Variants in GRIA4 observed in about 807,000 individuals in gnomAD.
The protein encoded by GRIA4 is glutamate receptor 4.
A neutral mutation model predicts 104.0 loss-of-function variants in GRIA4; 34 were observed. The ratio of observed to expected loss-of-function variants is 0.33; its 90% CI spans 0.25 to 0.44. The LOEUF (loss-of-function observed/expected upper bound fraction) is 0.44, where lower values mean the gene tolerates loss of function less well. GRIA4 is among the 20% of genes least tolerant of loss of function. The pLI is 1.00. For missense variants in GRIA4, 750 were observed against 1,096.5 expected, an observed-to-expected ratio of 0.68 and a Z score of 4.46; for synonymous variants, 386 against 381.9, an observed-to-expected ratio of 1.01 and a Z score of -0.13.
chr11:105,760,849 G>A (rs1365552671), intron 4 of GRIA4, among the ~76,000 whole-genome samples: 4 of 151,536 alleles, frequency 2.6e-5, no homozygotes, highest in African/African-American at 4.9e-5. Context: ...AAACCCTTTG[G>A]GATTTTTTTC....
At chr11:105,620,781 T>C (rs1173981880) in intron 3 of GRIA4, among the ~76,000 whole-genome samples, 1 of 151,882 alleles carries the variant, frequency 6.6e-6, no homozygotes, top group Non-Finnish European at 1.5e-5. Flanking sequence ...CTTCATTAGT[T>C]GGCCAGTCTA....
At position 105,974,445 on chromosome 11, in the gene GRIA4, G is replaced by A. The variant is rs1482602533; in HGVS notation, c.2544+1G>A. The A allele has an allele frequency of 6.2e-7, 1 of 1,613,932 alleles. No individual in the cohort carries two copies. Among genetic ancestry groups the A allele is most frequent in the Non-Finnish European group, 8.5e-7 (1 of 1,179,882 alleles). On this transcript the variant is annotated splice_donor_variant, in intron 16 of 16. Transcript: ENST00000282499. LOFTEE classifies it high-confidence loss of function. Reference sequence around the variant, plus strand: ...CAGGGCAGAAGCGAAGAGAATGAAGGTGGCAAAGAGTGCACAGACTTTTAA... The same window carrying A: ...CAGGGCAGAAGCGAAGAGAATGAAGATGGCAAAGAGTGCACAGACTTTTAA...
chr11:105,784,848 G>T (rs1198836959), intron 4 of GRIA4, among the ~76,000 whole-genome samples: 1 of 152,052 alleles, frequency 6.6e-6, no homozygotes, highest in Non-Finnish European at 1.5e-5. Context: ...TTTTAAAAAG[G>T]TCAACATCAC....
chr11:105,747,929 A>C (rs1939759685), intron 3 of GRIA4, among the ~76,000 whole-genome samples: 1 of 152,212 alleles, frequency 6.6e-6, no homozygotes, highest in African/African-American at 2.4e-5. Context: ...ACATACTTCA[A>C]ACAATATTTA....
intron 4 of GRIA4, among the ~76,000 whole-genome samples, chr11:105,839,074 G>T (rs1287386904): frequency 2.0e-5 from 3 of 151,574 alleles, no homozygotes; most frequent in Non-Finnish European, 4.4e-5. Context: ...TGCATGCACC[G>T]GCCCCCTCTA....
intron 3 of GRIA4, among the ~76,000 whole-genome samples, chr11:105,648,621 AG>A (rs1202562945): frequency 1.3e-5 from 2 of 151,930 alleles, no homozygotes; most frequent in Non-Finnish European, 2.9e-5. Context: ...TAGGAAGGGA[AG>A]GATGCAGAGA....
At chr11:105,690,547 T>C (rs1378947561) in intron 3 of GRIA4, among the ~76,000 whole-genome samples, 1 of 152,166 alleles carries the variant, frequency 6.6e-6, no homozygotes, top group Non-Finnish European at 1.5e-5. Flanking sequence ...AATGGGGCTG[T>C]TGACATAGAA....
At chr11:105,655,922 T>C (rs1043929898) in intron 3 of GRIA4, among the ~76,000 whole-genome samples, 1 of 152,164 alleles carries the variant, frequency 6.6e-6, no homozygotes, top group African/African-American at 2.4e-5. Context: ...TCTTCAACAA[T>C]GGTTGAACTA....
intron 3 of GRIA4, among the ~76,000 whole-genome samples, chr11:105,687,852 A>G (rs1952933922): frequency 1.3e-5 from 2 of 152,224 alleles, no homozygotes. Context: ...GCATTGGAAT[A>G]TAACTTATCC....
At chr11:105,966,357 G>C (rs1322519106) in intron 14 of GRIA4, among the ~76,000 whole-genome samples, 1 of 152,184 alleles carries the variant, frequency 6.6e-6, no homozygotes, top group Non-Finnish European at 1.5e-5. Context: ...GGGATGTTAA[G>C]TTTCTGAAAC....
At chr11:105,632,778 T>A (rs1951068308) in intron 3 of GRIA4, among the ~76,000 whole-genome samples, 1 of 152,088 alleles carries the variant, frequency 6.6e-6, no homozygotes, top group Non-Finnish European at 1.5e-5. Flanking sequence ...TCCAAAATAA[T>A]AAATAATTAA....
intron 3 of GRIA4, among the ~76,000 whole-genome samples, chr11:105,627,601 TG>T (rs1292618078): frequency 1.3e-5 from 2 of 152,190 alleles, no homozygotes; most frequent in Non-Finnish European, 2.9e-5. Flanking sequence ...AGTTGCTGTT[TG>T]TAAGACCCAT....
At chr11:105,888,960 AT>A (rs1356456006) in intron 6 of GRIA4, among the ~76,000 whole-genome samples, 1 of 152,122 alleles carries the variant, frequency 6.6e-6, no homozygotes, top group African/African-American at 2.4e-5. Flanking sequence ...TAAGACAAAT[AT>A]ATTCTGATAT....
intron 4 of GRIA4, among the ~76,000 whole-genome samples, chr11:105,798,353 G>A (rs1187429515): frequency 6.6e-6 from 1 of 152,102 alleles, no homozygotes; most frequent in Non-Finnish European, 1.5e-5. Context: ...TGTTGGGCAG[G>A]AGGAACACCA....
intron 4 of GRIA4, among the ~76,000 whole-genome samples, chr11:105,775,832 T>G (rs1429162610): frequency 6.6e-6 from 1 of 152,018 alleles, no homozygotes; most frequent in African/African-American, 2.4e-5. Flanking sequence ...ATAAGTCCCC[T>G]CAAATATCAT....
intron 3 of GRIA4, among the ~76,000 whole-genome samples, chr11:105,683,506 C>A (rs1952775542): frequency 6.6e-6 from 1 of 151,956 alleles, no homozygotes; most frequent in Admixed American, 6.6e-5. Flanking sequence ...ATGTATAACT[C>A]ATTTTTCAAG....
At chr11:105,717,343 G>T (rs1954127483) in intron 3 of GRIA4, among the ~76,000 whole-genome samples, 1 of 151,932 alleles carries the variant, frequency 6.6e-6, no homozygotes, top group Admixed American at 6.6e-5. Context: ...ATCTTAATGG[G>T]AATTCTGCTC....
chr11:105,974,570 C>A, intron 16 of GRIA4, 126 bp downstream of exon 16: 1 of 1,609,306 alleles, frequency 6.2e-7, no homozygotes, highest in South Asian at 1.1e-5. Flanking sequence ...AGGACTTAGG[C>A]CCGACTACAG....
intron 9 of GRIA4, among the ~76,000 whole-genome samples, chr11:105,908,971 G>C (rs1256993091): frequency 6.6e-6 from 1 of 152,096 alleles, no homozygotes; most frequent in South Asian, 2.1e-4. Flanking sequence ...GAATTGAGGA[G>C]AGGGTGGGTC....
Sources: allele counts gnomAD v4.1 joint callset (sites outside exome capture counted in the v4.1 genomes callset), GRCh38; gene constraint gnomAD v4.1.1; transcripts MANE v1.5; gene names NCBI Gene and HGNC (gene_info 2026-07-23, HGNC 2026-07-21).